Variants in UBN2 observed in about 807,000 individuals in gnomAD.
The protein encoded by UBN2 is ubinuclein-2.
In UBN2, 35 loss-of-function variants were observed where a neutral mutation model predicts 120.2. The ratio of observed to expected loss-of-function variants is 0.29; its 90% confidence interval spans 0.22 to 0.39. UBN2 has a LOEUF of 0.39. Among genes scored for constraint, UBN2 ranks in the 10% least tolerant of loss-of-function variants. The pLI is 1.00. For missense variants in UBN2, 1,693 were observed against 1,663.2 expected (o/e 1.02, Z -0.31); for synonymous variants, 661 against 648.7 (o/e 1.02, Z -0.29).
intron 2 of UBN2, among the ~76,000 whole-genome samples, chr7:139,246,873 G>A (rs1796484081): frequency 6.6e-6 from 1 of 152,156 alleles, no homozygotes; most frequent in Non-Finnish European, 1.5e-5. Context: ...ATTCCTCCAT[G>A]TATTGCCTGT....
chr7:139,286,279 G>A (rs1191375365), intron 15 of UBN2, among the ~76,000 whole-genome samples: 5 of 151,982 alleles, frequency 3.3e-5, no homozygotes, highest in Non-Finnish European at 7.4e-5. Flanking sequence ...GACTGGGCTG[G>A]TCTCAAACTC....
intron 1 of UBN2, among the ~76,000 whole-genome samples, chr7:139,233,315 T>C (rs1796077905): frequency 6.6e-6 from 1 of 152,186 alleles, no homozygotes; most frequent in African/African-American, 2.4e-5. Flanking sequence ...GTCACTTTTT[T>C]CCCAAAAGAA....
At position 139,293,123 on chromosome 7, in the gene UBN2, G is replaced by C. The variant is rs185474978; in HGVS notation, c.3670-109G>C. On this transcript the variant is annotated intron_variant, in intron 15 of 17. Coordinates refer to ENST00000473989, the MANE Select transcript of UBN2 (RefSeq NM_173569.4). ...GAAGAGCCTGTCTCACAACGTTTCT[G>C]TCAGAGCAGATGTAAGGCACAGTCT... The C allele has an allele frequency of 1.8e-5, 16 of 878,442 alleles. No individual in the cohort carries two copies. The African/African-American group carries it at 2.7e-4, about 15-fold the overall frequency. The allele number at this position is 878,442 out of a possible 1,614,324, so 54.4% of individuals were successfully genotyped here. A position where few individuals can be genotyped will look rare whatever the true frequency, so the allele number is the denominator to read the frequency against.
chr7:139,252,163 C>A, intron 3 of UBN2, 106 bp downstream of exon 3: 2 of 841,058 alleles, frequency 2.4e-6, no homozygotes, highest in Admixed American at 2.3e-5. Flanking sequence ...TTTATTTGTG[C>A]TTTTTAAAGC....
intron 15 of UBN2, among the ~76,000 whole-genome samples, chr7:139,290,646 C>T (rs1161753049): frequency 2.0e-5 from 3 of 152,170 alleles, no homozygotes; most frequent in Non-Finnish European, 4.4e-5. Context: ...TGGAATTATT[C>T]TCTTAACTCT....
chr7:139,243,289 A>G (rs1584988011), intron 2 of UBN2, among the ~76,000 whole-genome samples: 1 of 152,048 alleles, frequency 6.6e-6, no homozygotes, highest in African/African-American at 2.4e-5. Context: ...GCAAAATTCA[A>G]GGGTTTTTTT....
chr7:139,292,045 G>T (rs763640664), intron 15 of UBN2, among the ~76,000 whole-genome samples: 1 of 152,118 alleles, frequency 6.6e-6, no homozygotes, highest in Admixed American at 6.5e-5. Context: ...GAGCCCAGAA[G>T]TTCGAGCCTA....
At chr7:139,313,432 T>C in the UBN2 span, among the ~76,000 whole-genome samples, 1 of 152,358 alleles carries the variant, frequency 6.6e-6, no homozygotes, top group Non-Finnish European at 1.5e-5. Context: ...TCCTTTAAAG[T>C]TGATTTTATA....
intron 12 of UBN2, chr7:139,277,806 G>A (rs1366148064): frequency 6.6e-6 from 1 of 152,120 alleles, no homozygotes; most frequent in East Asian, 1.9e-4. Flanking sequence ...GCCTGCAGTG[G>A]ATGCCAAAAC....
intron 17 of UBN2, among the ~76,000 whole-genome samples, chr7:139,296,015 G>C (rs1798100140): frequency 6.6e-6 from 1 of 152,200 alleles, no homozygotes; most frequent in Non-Finnish European, 1.5e-5. Flanking sequence ...TTGAATTCCA[G>C]AACTGCCAGT....
chr7:139,320,459 TCAAAAA>T, the UBN2 span, among the ~76,000 whole-genome samples: 1 of 151,404 alleles, frequency 6.6e-6, no homozygotes, highest in Admixed American at 6.6e-5. Flanking sequence ...AGACTCTGTC[TCAAAAA>T]CAAAACAAAA....
chr7:139,294,870 A>G lies in UBN2; in HGVS notation c.3994+889A>G, dbSNP rs536399143. Reference sequence around the variant, plus strand: ...AAAAAATTAATATGATCCAAGCTGTATGCATTATGTCCTTGTAGGCAGCCA... The same window carrying G: ...AAAAAATTAATATGATCCAAGCTGTGTGCATTATGTCCTTGTAGGCAGCCA... On this transcript the variant is annotated intron_variant, in intron 17 of 17. Coordinates refer to ENST00000473989, the MANE Select transcript of UBN2 (RefSeq NM_173569.4). 3.3e-5 allele frequency among the ~76,000 whole-genome samples: 5 copies of G among 152,268 alleles called. No individual in the cohort carries two copies. In the South Asian group the frequency reaches 1.0e-3, roughly 32 times the overall value.
chr7:139,278,064 A>G (rs997028505), intron 12 of UBN2, among the ~76,000 whole-genome samples: 6 of 152,192 alleles, frequency 3.9e-5, no homozygotes, highest in African/African-American at 1.4e-4. Flanking sequence ...AACTGTGGAT[A>G]AGGGGGGCTA....
At position 139,231,746 on chromosome 7, in the gene UBN2, C is replaced by G; in HGVS notation, c.262C>G (p.Arg88Gly). 1.1e-5 allele frequency: 13 copies of G among 1,211,396 alleles called. No homozygotes were observed. Among genetic ancestry groups the G allele is most frequent in the Non-Finnish European group, 1.3e-5 (13 of 979,356 alleles). The allele number at this position is 1,211,396 out of a possible 1,614,324, so 75.0% of individuals were successfully genotyped here. A position where few individuals can be genotyped will look rare whatever the true frequency, so the allele number is the denominator to read the frequency against. Reference sequence around the variant, plus strand: ...CGCCGAGCCGCCCATGTCGCTGCAGCGGGAGCCCCCGCGGCCCGAGCCGCC... The same window carrying G: ...CGCCGAGCCGCCCATGTCGCTGCAGGGGGAGCCCCCGCGGCCCGAGCCGCC... ...SRAEPPMSLQ[R>G]EPPRPEPPPP... The change falls in exon 1 of 18, where the codon CGG becomes GGG. Residue 88 changes from arginine (R) to glycine (G), a missense_variant. Transcript: ENST00000473989.
At chr7:139,269,948 G>A (rs950295006) in intron 8 of UBN2, among the ~76,000 whole-genome samples, 1 of 152,092 alleles carries the variant, frequency 6.6e-6, no homozygotes, top group East Asian at 1.9e-4. Context: ...AGCTAGGACT[G>A]CAGGCTGGCA....
chr7:139,252,927 G>A (rs918628311), intron 3 of UBN2, among the ~76,000 whole-genome samples: 1 of 152,104 alleles, frequency 6.6e-6, no homozygotes, highest in Non-Finnish European at 1.5e-5. Context: ...GGCCTACAGA[G>A]ATTTTAGTGT....
At chr7:139,232,072 G>A (rs965096915) in intron 1 of UBN2, 120 bp downstream of exon 1, 6 of 957,474 alleles carry the variant, frequency 6.3e-6, no homozygotes, top group Non-Finnish European at 8.9e-6. Flanking sequence ...CGAGGGTGGG[G>A]TGCGGGGGGC....
the UBN2 span, among the ~76,000 whole-genome samples, chr7:139,325,856 T>C: frequency 6.6e-6 from 1 of 152,124 alleles, no homozygotes; most frequent in Admixed American, 6.6e-5. Context: ...GGAGGTGACC[T>C]GACAATGGCT....
rs918186152 is a variant in UBN2 at position 139,303,545 on chromosome 7, T to C, written c.*5709T>C. 6.6e-6 allele frequency: 1 copy of C among 152,240 alleles called. No individual in the cohort carries two copies. The highest frequency in any genetic ancestry group is 1.5e-5 in the Non-Finnish European group (1 of 68,036). 9.4% of individuals were successfully genotyped at this position (152,240 alleles called of 1,614,324 possible). ...ATGACTATGTCTAGGGGGAATATTG[T>C]TTAACCTTCGTGCCTCAGATTACCC... On this transcript the variant is annotated 3_prime_UTR_variant, in exon 18 of 18. Transcript: ENST00000473989.
Sources: gnomAD v4.1 joint callset for allele counts (sites outside exome capture counted in the v4.1 genomes callset) on GRCh38, gnomAD v4.1.1 for gene constraint, MANE v1.5 for transcripts, NCBI Gene and HGNC (gene_info 2026-07-23, HGNC 2026-07-21) for gene names.